Variants in CFAP299 observed in about 807,000 individuals in gnomAD.
CFAP299 encodes cilia and flagella associated protein 299.
CFAP299 carries 21 observed loss-of-function variants against 27.0 expected under a neutral mutation model. The ratio of observed to expected loss-of-function variants is 0.78; its 90% confidence interval spans 0.55 to 1.12. The LOEUF is 1.12. Ranked by LOEUF, CFAP299 falls within the 50% of genes most tolerant of loss-of-function variation. The probability of loss-of-function intolerance (pLI) is 0.00; values close to 1 mark genes in which losing one functional copy is unlikely to be tolerated. For missense variants in CFAP299, 310 were observed against 276.6 expected, an observed-to-expected ratio of 1.12 and a Z score of -0.86; for synonymous variants, 104 against 98.1, an observed-to-expected ratio of 1.06 and a Z score of -0.36.
intron 4 of CFAP299, among the ~76,000 whole-genome samples, chr4:80,873,815 G>A (rs982518427): frequency 2.6e-5 from 4 of 152,276 alleles, no homozygotes; most frequent in Middle Eastern, 3.4e-3. Context: ...CTTGCCTATA[G>A]AGCTCTACCC....
chr4:80,556,484 A>G (rs1734790585), intron 2 of CFAP299, among the ~76,000 whole-genome samples: 1 of 152,046 alleles, frequency 6.6e-6, no homozygotes, highest in African/African-American at 2.4e-5. Context: ...ATCCTGGAAC[A>G]CATATGAACA....
chr4:80,902,586 T>TACACACAC (rs3038572), intron 4 of CFAP299, among the ~76,000 whole-genome samples: 7,130 of 126,554 alleles, frequency 0.056, 283 homozygotes, highest in East Asian at 0.073. Context: ...ATGTAATATA[T>TACACACAC]ACACACACAC....
At chr4:80,901,854 C>G (rs1734916143) in intron 4 of CFAP299, among the ~76,000 whole-genome samples, 1 of 152,024 alleles carries the variant, frequency 6.6e-6, no homozygotes, top group South Asian at 2.1e-4. Flanking sequence ...AGTTTTAGAA[C>G]AGTTTTCATT....
At chr4:80,800,742 A>G (rs1175354292) in intron 3 of CFAP299, among the ~76,000 whole-genome samples, 1 of 64,570 alleles carries the variant, frequency 1.5e-5, no homozygotes, top group Non-Finnish European at 2.6e-5. Context: ...ATATATATAT[A>G]ATCAGTGTGT....
Position 80,944,801 on chromosome 4 carries a change from TTTTTATAGC to T in CFAP299, c.477-3_482del. 6.3e-7 allele frequency: 1 copy of T among 1,580,478 alleles called. No homozygotes were observed. Among genetic ancestry groups the T allele is most frequent in the African/African-American group, 1.4e-5 (1 of 73,296 alleles). On this transcript the variant is annotated splice_acceptor_variant and splice_polypyrimidine_tract_variant and coding_sequence_variant and intron_variant, in exon 5 of 6. Transcript: ENST00000358105. LOFTEE classifies it high-confidence loss of function. ...CATCTTAATTCCTAATAAATGTTTA[TTTTTATAGC>T]TTTTACAACTGGGACGCTGATATTG...
intron 3 of CFAP299, among the ~76,000 whole-genome samples, chr4:80,797,397 A>G (rs188919864): frequency 1.7e-4 from 26 of 152,230 alleles, no homozygotes; most frequent in African/African-American, 5.5e-4. Flanking sequence ...TTTTCTGCCT[A>G]TACAAATTAA....
intron 3 of CFAP299, among the ~76,000 whole-genome samples, chr4:80,609,057 C>T (rs1391036259): frequency 6.6e-6 from 1 of 151,802 alleles, no homozygotes; most frequent in African/African-American, 2.4e-5. Context: ...ACTGTTAAGT[C>T]AAGGTTATAA....
At chr4:80,619,884 AC>A (rs1253823441) in intron 3 of CFAP299, among the ~76,000 whole-genome samples, 6 of 152,098 alleles carry the variant, frequency 3.9e-5, no homozygotes, top group Admixed American at 6.6e-5. Context: ...GTGGATTTTG[AC>A]TGTTTATTTT....
rs772961059 is a variant in CFAP299, at chr4:80,522,021, A to G, written c.243-61072A>G. On this transcript the variant is annotated intron_variant, in intron 2 of 5. Transcript: ENST00000358105. ...GCATCATATGATAGTTCTTTTTTAA[A>G]TTTTTTGAGAAACCTCCATACTGTT... Among the ~76,000 whole-genome samples, 5 of 151,994 alleles carry G rather than the reference A, an allele frequency of 3.3e-5. No individual in the cohort carries two copies. The East Asian group carries it at 5.8e-4, about 18-fold the overall frequency.
chr4:80,375,204 G>A (rs1384767598), intron 2 of CFAP299, among the ~76,000 whole-genome samples: 1 of 152,124 alleles, frequency 6.6e-6, no homozygotes, highest in African/African-American at 2.4e-5. Flanking sequence ...AGAAGATCGT[G>A]GTCCATAGAA....
intron 3 of CFAP299, among the ~76,000 whole-genome samples, chr4:80,709,848 T>C (rs992602506): frequency 6.6e-6 from 1 of 152,170 alleles, no homozygotes; most frequent in African/African-American, 2.4e-5. Context: ...CAATGAATAA[T>C]GGGAGCTCTC....
intron 3 of CFAP299, among the ~76,000 whole-genome samples, chr4:80,815,682 C>T (rs1729385281): frequency 6.6e-6 from 1 of 151,802 alleles, no homozygotes; most frequent in South Asian, 2.1e-4. Flanking sequence ...TTGTTATAAG[C>T]ATATTGTGGA....
At chr4:80,767,995 T>A (rs1185456335) in intron 3 of CFAP299, among the ~76,000 whole-genome samples, 3 of 152,186 alleles carry the variant, frequency 2.0e-5, no homozygotes, top group Non-Finnish European at 2.9e-5. Flanking sequence ...AAGCTGGAAT[T>A]CCTAGTAAAA....
intron 2 of CFAP299, among the ~76,000 whole-genome samples, chr4:80,518,097 G>A (rs1450121725): frequency 1.3e-5 from 2 of 152,066 alleles, no homozygotes; most frequent in East Asian, 1.9e-4. Context: ...GTAAAGAGGA[G>A]TAGAGAAGTA....
At chr4:80,374,216 A>G (rs1249196910) in intron 2 of CFAP299, among the ~76,000 whole-genome samples, 4 of 152,152 alleles carry the variant, frequency 2.6e-5, no homozygotes, top group East Asian at 1.9e-4. Context: ...GCTTTCTCTG[A>G]CCTAGAATCC....
At chr4:80,396,207 T>C (rs1725781656) in intron 2 of CFAP299, among the ~76,000 whole-genome samples, 1 of 152,144 alleles carries the variant, frequency 6.6e-6, no homozygotes, top group African/African-American at 2.4e-5. Flanking sequence ...AAGGGAAGGG[T>C]GATAAAAACC....
chr4:80,607,022 G>T (rs1737712914), intron 3 of CFAP299, among the ~76,000 whole-genome samples: 1 of 152,140 alleles, frequency 6.6e-6, no homozygotes, highest in Non-Finnish European at 1.5e-5. Flanking sequence ...GAGAGAGGAA[G>T]GAAGAAGAAA....
At chr4:80,756,502 A>T (rs1725246962) in intron 3 of CFAP299, among the ~76,000 whole-genome samples, 1 of 152,182 alleles carries the variant, frequency 6.6e-6, no homozygotes, top group Non-Finnish European at 1.5e-5. Context: ...TGTTATTTAC[A>T]TTATTAGGCT....
At chr4:80,658,220 T>C (rs1400877415) in intron 3 of CFAP299, among the ~76,000 whole-genome samples, 3 of 152,166 alleles carry the variant, frequency 2.0e-5, no homozygotes, top group African/African-American at 7.2e-5. Context: ...GAATACGCTT[T>C]ATTTCTTTAT....
Sources: gnomAD v4.1 joint callset for allele counts (sites outside exome capture counted in the v4.1 genomes callset) on GRCh38, gnomAD v4.1.1 for gene constraint, MANE v1.5 for transcripts, NCBI Gene and HGNC (gene_info 2026-07-23, HGNC 2026-07-21) for gene names.